Variants in MTFMT observed in about 807,000 individuals in gnomAD.
The protein encoded by MTFMT is methionyl-tRNA formyltransferase, mitochondrial.
Under a neutral mutation model 51.8 loss-of-function variants are expected in MTFMT, and 47 were observed. The ratio of observed to expected loss-of-function variants is 0.91; its 90% CI spans 0.72 to 1.16. The LOEUF (loss-of-function observed/expected upper bound fraction) is 1.16. Among genes scored for constraint, MTFMT ranks in the 50% most tolerant of loss-of-function variants. MTFMT has a pLI of 0.00. For missense variants in MTFMT, 512 were observed against 482.3 expected, an observed-to-expected ratio of 1.06 and a Z score of -0.58; for synonymous variants, 196 against 176.7, an observed-to-expected ratio of 1.11 and a Z score of -0.87.
intron 8 of MTFMT, among the ~76,000 whole-genome samples, chr15:65,004,363 A>C (rs2086205276): frequency 6.6e-6 from 1 of 152,180 alleles, no homozygotes. Context: ...CATATGATGC[A>C]AAATACCTAG....
intron 6 of MTFMT, among the ~76,000 whole-genome samples, chr15:65,015,381 C>T (rs1213062831): frequency 6.6e-6 from 1 of 152,168 alleles, no homozygotes; most frequent in Non-Finnish European, 1.5e-5. Flanking sequence ...AATAACAATT[C>T]ATTATCTACT....
At chr15:65,028,958 G>T (rs1331813867) in intron 1 of MTFMT, among the ~76,000 whole-genome samples, 1 of 152,198 alleles carries the variant, frequency 6.6e-6, no homozygotes, top group Admixed American at 6.5e-5. Context: ...AAGGATGGGG[G>T]TCAGGAGGAA....
Position 65,029,541 on chromosome 15 carries a change from G to A in MTFMT, c.73C>T (p.Gln25Ter), listed in dbSNP as rs587777419. Reference protein sequence around the residue: ...HGARRGRPSPQWRALARLGWE... With the variant: ...HGARRGRPSP The stretch of plus-strand genomic sequence containing the variant: ...CCGAGTCGGGCCAGTGCTCGCCACT[G>A]GGGACTCGGCCTCCCACGCCTGGCG... Residue 25 changes from glutamine to a stop codon, truncating the protein, a stop_gained, in exon 1 of 9, where the codon CAG (glutamine) becomes TAG (stop). Transcript: ENST00000220058. LOFTEE classifies it high-confidence loss of function. The A allele has an allele frequency of 2.0e-6, 3 of 1,515,844 alleles. No homozygotes were observed. The highest frequency in any genetic ancestry group is 2.6e-6 in the Non-Finnish European group (3 of 1,132,954). 93.9% of individuals were successfully genotyped at this position (1,515,844 alleles called of 1,614,324 possible).
chr15:65,004,525 C>A (rs1490196663), intron 8 of MTFMT, among the ~76,000 whole-genome samples: 1 of 152,158 alleles, frequency 6.6e-6, no homozygotes, highest in African/African-American at 2.4e-5. Flanking sequence ...TGTAGTAGTT[C>A]AGTCAGATAT....
intron 6 of MTFMT, among the ~76,000 whole-genome samples, chr15:65,010,349 CCTCT>C (rs1270133308): frequency 1.1e-5 from 1 of 89,804 alleles, no homozygotes; most frequent in Non-Finnish European, 2.2e-5. Flanking sequence ...ATTTTCATTA[CCTCT>C]CTCTCCCAGA....
intron 6 of MTFMT, among the ~76,000 whole-genome samples, chr15:65,013,019 T>G (rs559991221): frequency 1.3e-5 from 2 of 152,322 alleles, no homozygotes; most frequent in South Asian, 4.1e-4. Flanking sequence ...GGGTCTTCTT[T>G]ACTGTTTATT....
chr15:65,011,601 A>C (rs1444902480), intron 6 of MTFMT, among the ~76,000 whole-genome samples: 4 of 143,848 alleles, frequency 2.8e-5, no homozygotes, highest in Admixed American at 7.4e-5. Flanking sequence ...GCTCAAGTGC[A>C]TCCTCCCATT....
In MTFMT at chr15:65,020,194, C is replaced by A. The variant is rs374845427; in HGVS notation, c.721+3G>T. 3.1e-6 allele frequency: 5 copies of A among 1,611,310 alleles called. No individual in the cohort carries two copies. In the Admixed American group the frequency reaches 8.4e-5, roughly 27 times the overall value. On this transcript the variant is annotated splice_donor_region_variant and intron_variant, in intron 5 of 8. Coordinates refer to ENST00000220058, the MANE Select transcript of MTFMT (RefSeq NM_139242.4). ...GATGAGAGTCTCTGCAGCCTTCACTCACCGTAAGTCGCCCCCTCCATTGGC... is the reference window on the plus strand; with the variant it reads ...GATGAGAGTCTCTGCAGCCTTCACTAACCGTAAGTCGCCCCCTCCATTGGC...
rs1595887502 is a variant in MTFMT at position 65,004,832 on chromosome 15, T to C, written c.975+22A>G. ...AACATAGTAAAACAACTATGATAAC[T>C]TGAAACTAATGAAAAACATACCTTG... On this transcript the variant is annotated intron_variant, in intron 8 of 8. Transcript: ENST00000220058. The C allele has an allele frequency of 8.6e-6, 13 of 1,509,286 alleles. No homozygotes were observed. In the East Asian group the frequency reaches 2.9e-4, roughly 34 times the overall value. The allele number at this position is 1,509,286 out of a possible 1,614,324, so 93.5% of individuals were successfully genotyped here. A position where few individuals can be genotyped will look rare whatever the true frequency, so the allele number is the denominator to read the frequency against.
intron 8 of MTFMT, among the ~76,000 whole-genome samples, chr15:65,003,623 G>A (rs2086195613): frequency 6.6e-6 from 1 of 152,052 alleles, no homozygotes; most frequent in African/African-American, 2.4e-5. Flanking sequence ...TTGGGAGGCC[G>A]AGGCGGGTGG....
Position 65,026,932 on chromosome 15 carries a change from G to C in MTFMT, c.318C>G (p.Pro106=). ...VKQYAVQSQL[P]VYEWPDVGSG... The stretch of plus-strand genomic sequence containing the variant: ...ATCCCACATCCGGCCACTCATATAC[G>C]GGAAGCTGAGACTGCACAGCATATT... The change falls in exon 2 of 9, where the codon CCC becomes CCG. Residue 106 remains proline, a synonymous_variant. Coordinates refer to ENST00000220058, the MANE Select transcript of MTFMT (RefSeq NM_139242.4). The C allele has an allele frequency of 1.2e-6, 2 of 1,613,890 alleles. No individual in the cohort carries two copies. The highest frequency in any genetic ancestry group is 1.1e-5 in the South Asian group (1 of 91,068).
chr15:65,003,756 G>A (rs1014867126), intron 8 of MTFMT, among the ~76,000 whole-genome samples: 155 of 147,888 alleles, frequency 1.0e-3, no homozygotes, highest in African/African-American at 3.3e-3. Flanking sequence ...CTTGGAAGAC[G>A]GAGGCAGGAG....
At chr15:65,012,304 T>C (rs560511207) in intron 6 of MTFMT, among the ~76,000 whole-genome samples, 53 of 142,560 alleles carry the variant, frequency 3.7e-4, no homozygotes, top group Non-Finnish European at 7.3e-4. Flanking sequence ...ACTTAAAGTA[T>C]AATAATAATA....
rs752072244 is a variant in MTFMT at position 65,029,609 on chromosome 15, C to T, written c.5G>A (p.Arg2Lys). M[R>K]VLVRRCWGPP... ...ACCCCAACAGCGCCGCACCAACACC[C>T]TCATCGCCTCGGCCGCCGGCGGCCG... Residue 2 changes from arginine to lysine, a missense_variant, in exon 1 of 9, where the codon AGG (arginine) becomes AAG (lysine). Coordinates refer to ENST00000220058, the MANE Select transcript of MTFMT (RefSeq NM_139242.4). The T allele has an allele frequency of 1.8e-5, 25 of 1,402,394 alleles. No homozygotes were observed. The highest frequency in any genetic ancestry group is 9.2e-5 in the Admixed American group (3 of 32,566). 86.9% of individuals were successfully genotyped at this position (1,402,394 alleles called of 1,614,324 possible).
In MTFMT at chr15:65,023,840, C is replaced by T. The variant is rs535848035; in HGVS notation, c.420-46G>A. On this transcript the variant is annotated intron_variant, in intron 2 of 8. Transcript: ENST00000220058. ...ATTAGTATGTCAGTGGGCTTTACCA[C>T]TTCGTTACCACTACCTAAGCTATTA... The T allele has an allele frequency of 7.0e-5, 108 of 1,534,976 alleles. No homozygotes were observed. The South Asian group carries it at 1.2e-3, about 18-fold the overall frequency.
At chr15:65,019,236 T>C (rs1249898080) in intron 5 of MTFMT, among the ~76,000 whole-genome samples, 1 of 152,232 alleles carries the variant, frequency 6.6e-6, no homozygotes, top group Non-Finnish European at 1.5e-5. Context: ...TCACTTGCTT[T>C]AGTACAGTCT....
Position 65,002,266 on chromosome 15 carries a change from G to T in MTFMT, c.*796C>A, listed in dbSNP as rs2086182498. ...ACAAAAAAAAAAATTAGCCAGGCATGGTGGCGGACGCCTGTAGTCCCAGCT... is the reference window on the plus strand; with the variant it reads ...ACAAAAAAAAAAATTAGCCAGGCATTGTGGCGGACGCCTGTAGTCCCAGCT... On this transcript the variant is annotated 3_prime_UTR_variant, in exon 9 of 9. Transcript: ENST00000220058. 2 of 151,910 alleles carry T rather than the reference G, an allele frequency of 1.3e-5. No homozygotes were observed. Among genetic ancestry groups the T allele is most frequent in the African/African-American group, 4.9e-5 (2 of 41,234 alleles). The allele number at this position is 151,910 out of a possible 1,614,324, so 9.4% of individuals were successfully genotyped here. A position where few individuals can be genotyped will look rare whatever the true frequency, so the allele number is the denominator to read the frequency against.
At chr15:65,029,081 C>T (rs1289904993) in intron 1 of MTFMT, among the ~76,000 whole-genome samples, 5 of 152,146 alleles carry the variant, frequency 3.3e-5, no homozygotes, top group African/African-American at 7.2e-5. Context: ...ACACTCAAAA[C>T]GGGCAGGGAG....
chr15:65,024,649 C>G (rs544557285), intron 2 of MTFMT, among the ~76,000 whole-genome samples: 22 of 151,724 alleles, frequency 1.5e-4, no homozygotes, highest in Non-Finnish European at 2.9e-4. Context: ...CATGTGCAGA[C>G]ACTGTTCTAA....
Sources: allele counts gnomAD v4.1 joint callset (sites outside exome capture counted in the v4.1 genomes callset), GRCh38; gene constraint gnomAD v4.1.1; transcripts MANE v1.5; gene names NCBI Gene and HGNC (gene_info 2026-07-23, HGNC 2026-07-21).